Variants in ANO3 observed in about 807,000 individuals in gnomAD.
The protein encoded by ANO3 is anoctamin 3, also known as anoctamin-3.
A neutral mutation model predicts 144.8 loss-of-function variants in ANO3; 99 were observed. The ratio of observed to expected loss-of-function variants is 0.68; its 90% CI spans 0.58 to 0.81. The LOEUF is 0.81. Ranked by LOEUF, ANO3 falls within the 30% of genes least tolerant of loss-of-function variation. ANO3 has a pLI of 0.00. For missense variants in ANO3, 905 were observed against 1,202.2 expected (o/e 0.75, Z 3.66); for synonymous variants, 414 against 392.6 (o/e 1.05, Z -0.64).
chr11:26,263,501 T>A (rs950002725), intron 1 of ANO3, among the ~76,000 whole-genome samples: 4 of 152,208 alleles, frequency 2.6e-5, no homozygotes, highest in African/African-American at 9.6e-5. Flanking sequence ...TCCTTCCCAG[T>A]GTTATTCATC....
chr11:26,342,260 C>T (rs1855382360), intron 1 of ANO3, among the ~76,000 whole-genome samples: 2 of 152,094 alleles, frequency 1.3e-5, no homozygotes, highest in Admixed American at 1.3e-4. Context: ...AGGCTAAATG[C>T]ATGTGCTATG....
At chr11:26,237,189 A>G (rs550254287) in intron 1 of ANO3, among the ~76,000 whole-genome samples, 1 of 152,292 alleles carries the variant, frequency 6.6e-6, no homozygotes, top group East Asian at 1.9e-4. Flanking sequence ...TTCTAACTCT[A>G]TTTAATTTGC....
intron 1 of ANO3, among the ~76,000 whole-genome samples, chr11:26,191,317 CAT>C (rs1177313402): frequency 3.3e-5 from 5 of 150,160 alleles, no homozygotes; most frequent in Non-Finnish European, 5.9e-5. Flanking sequence ...CACACACACA[CAT>C]ATATATATAC....
At position 26,412,480 on chromosome 11, in the gene ANO3, G is replaced by A. The variant is rs924214124; in HGVS notation, c.47-29438G>A. Among the ~76,000 whole-genome samples, 16 of 152,000 alleles carry A rather than the reference G, an allele frequency of 1.1e-4. No individual in the cohort carries two copies. The East Asian group carries it at 1.6e-3, about 15-fold the overall frequency. On this transcript the variant is annotated intron_variant, in intron 1 of 26. Transcript: ENST00000256737. ...AAAGATAATATATTCAAATAACATC[G>A]TAACTGTAGTAATGTAACAATATTA...
chr11:26,425,391 C>T (rs1857890440), intron 1 of ANO3, among the ~76,000 whole-genome samples: 1 of 151,914 alleles, frequency 6.6e-6, no homozygotes, highest in Admixed American at 6.6e-5. Context: ...GGTATCTCTG[C>T]TTGTGTTTCT....
chr11:26,656,508 A>C, intron 26 of ANO3, 27 bp downstream of exon 26: 1 of 1,365,274 alleles, frequency 7.3e-7, no homozygotes, highest in Non-Finnish European at 1.0e-6. Flanking sequence ...GATGAAAATT[A>C]CTATAGATAA....
chr11:26,294,547 A>G (rs1233597888), intron 1 of ANO3, among the ~76,000 whole-genome samples: 1 of 152,186 alleles, frequency 6.6e-6, no homozygotes, highest in African/African-American at 2.4e-5. Flanking sequence ...TGTAATTATC[A>G]TTACTGCTCT....
rs1852451849 is a variant in ANO3, at chr11:26,233,671, AG to A, written c.154+44342del. Among the ~76,000 whole-genome samples, 3 of 152,350 alleles carry A rather than the reference AG, an allele frequency of 2.0e-5. No individual in the cohort carries two copies. The South Asian group carries it at 6.2e-4, about 32-fold the overall frequency. ...TGTTTATTGAAGCACTATTTATAAT[AG>A]AAAAGACTTGGAACCAACTCAAATG... On this transcript the variant is annotated intron_variant, in intron 1 of 27. Transcript: ENST00000672621.
intron 4 of ANO3, among the ~76,000 whole-genome samples, chr11:26,499,146 T>G (rs1251135732): frequency 6.6e-6 from 1 of 151,964 alleles, no homozygotes; most frequent in Non-Finnish European, 1.5e-5. Flanking sequence ...CATTGGATTA[T>G]TTGCCTTTTC....
intron 1 of ANO3, among the ~76,000 whole-genome samples, chr11:26,319,658 C>T (rs1448879907): frequency 6.6e-6 from 1 of 152,086 alleles, no homozygotes; most frequent in Non-Finnish European, 1.5e-5. Context: ...TTAACATATC[C>T]TATAAAAATA....
At chr11:26,301,313 C>T (rs72876905) in intron 1 of ANO3, among the ~76,000 whole-genome samples, 5,931 of 152,158 alleles carry the variant, frequency 0.039, 163 homozygotes, top group Non-Finnish European at 0.056. Context: ...CTATTTATAG[C>T]CTTGGTTAGG....
At chr11:26,614,437 G>A (rs369744434) in intron 17 of ANO3, among the ~76,000 whole-genome samples, 36 of 152,268 alleles carry the variant, frequency 2.4e-4, no homozygotes, top group African/African-American at 8.4e-4. Context: ...TAGTATGATG[G>A]CAGGGCCTCA....
chr11:26,518,703 G>A (rs558950303), intron 6 of ANO3, among the ~76,000 whole-genome samples: 2 of 151,990 alleles, frequency 1.3e-5, no homozygotes, highest in African/African-American at 4.8e-5. Flanking sequence ...ATGAAATATA[G>A]TTTATAAAAT....
chr11:26,631,378 A>C (rs1484766021), intron 18 of ANO3, among the ~76,000 whole-genome samples: 1 of 152,086 alleles, frequency 6.6e-6, no homozygotes, highest in East Asian at 1.9e-4. Flanking sequence ...TATATAAGGC[A>C]ATATTTATAC....
At chr11:26,424,205 C>T (rs534351346) in intron 1 of ANO3, among the ~76,000 whole-genome samples, 162 of 149,202 alleles carry the variant, frequency 1.1e-3, no homozygotes, top group Non-Finnish European at 2.0e-3. Context: ...ATCTATCCTA[C>T]GTTATGGCTT....
chr11:26,426,753 G>A (rs1380176450), intron 1 of ANO3, among the ~76,000 whole-genome samples: 85 of 152,116 alleles, frequency 5.6e-4, no homozygotes, highest in Non-Finnish European at 1.2e-4. Flanking sequence ...ACAAAAATAT[G>A]GTCACCTATC....
In ANO3 at chr11:26,559,835, T is replaced by TAC. The variant is rs71047866; in HGVS notation, c.1447+95_1447+96dup. ...TTATTTTCTGAAGCTGTTTCTGTGT[T>TAC]ACACACACACACACACACACACACA... is the stretch of plus-strand genomic sequence containing the variant. On this transcript the variant is annotated intron_variant, in intron 14 of 26. Transcript: ENST00000256737. 68,595 of 653,486 alleles carry TAC rather than the reference T, an allele frequency of 0.1. 1,991 individuals carry two copies. The highest frequency in any genetic ancestry group is 0.11 in the Admixed American group (5,579 of 48,936). The allele number at this position is 653,486 out of a possible 1,614,324, so 40.5% of individuals were successfully genotyped here. A position where few individuals can be genotyped will look rare whatever the true frequency, so the allele number is the denominator to read the frequency against.
intron 14 of ANO3, among the ~76,000 whole-genome samples, chr11:26,584,667 A>G (rs1162542932): frequency 1.3e-5 from 2 of 152,242 alleles, no homozygotes; most frequent in Non-Finnish European, 2.9e-5. Context: ...AACAAGTGTA[A>G]TAAGTGATAA....
chr11:26,598,807 T>G (rs779731922), intron 15 of ANO3, 51 bp from the exon 16 acceptor site: 13 of 1,574,474 alleles, frequency 8.3e-6, no homozygotes, highest in Non-Finnish European at 1.1e-5. Context: ...TGGGGGTATG[T>G]TTTTTTAGTT....
Sources: gnomAD v4.1 joint callset for allele counts (sites outside exome capture counted in the v4.1 genomes callset) on GRCh38, gnomAD v4.1.1 for gene constraint, MANE v1.5 for transcripts, NCBI Gene and HGNC (gene_info 2026-07-23, HGNC 2026-07-21) for gene names.